Variants in PNPLA7 observed in about 807,000 individuals in gnomAD.
PNPLA7 encodes the protein patatin-like phospholipase domain-containing protein 7.
PNPLA7 carries 153 observed loss-of-function variants against 161.7 expected under a neutral mutation model. That is an observed-to-expected ratio of 0.95 (90% CI 0.83 to 1.08). The LOEUF (loss-of-function observed/expected upper bound fraction) is 1.08, where lower values mean the gene tolerates loss of function less well. Ranked by LOEUF, PNPLA7 falls within the 50% of genes least tolerant of loss-of-function variation. The pLI is 0.00. For missense variants in PNPLA7, 1,739 were observed against 1,856.6 expected (o/e 0.94, Z 1.16); for synonymous variants, 809 against 782.1 (o/e 1.03, Z -0.57).
intron 20 of PNPLA7, chr9:137,491,684 G>A: frequency 7.1e-6 from 7 of 985,390 alleles, no homozygotes; most frequent in Non-Finnish European, 8.4e-6. Context: ...CCCTAGAGTG[G>A]GGCTCACACT....
intron 8 of PNPLA7, 46 bp from the exon 9 acceptor site, chr9:137,522,903 C>G (rs754753118): frequency 6.2e-7 from 1 of 1,601,674 alleles, no homozygotes; most frequent in Non-Finnish European, 8.5e-7. Flanking sequence ...GCCTGGCCAA[C>G]CCCCCAGGGA....
At position 137,479,019 on chromosome 9, in the gene PNPLA7, G is replaced by A. The variant is rs902747423; in HGVS notation, c.2763+37C>T. ...TCGAACGTTCGAGGAAATGAACCAC[G>A]GAGCCACGGGCAGGCAGCCTCCTCT... On this transcript the variant is annotated intron_variant, in intron 24 of 34. Transcript: ENST00000406427. The A allele has an allele frequency of 4.0e-6, 6 of 1,514,428 alleles. No homozygotes were observed. In the Admixed American group the frequency reaches 6.3e-5, roughly 16 times the overall value. 93.8% of individuals were successfully genotyped at this position (1,514,428 alleles called of 1,614,324 possible).
chr9:137,472,913 C>T (rs1831774675), intron 25 of PNPLA7, among the ~76,000 whole-genome samples: 1 of 151,846 alleles, frequency 6.6e-6, no homozygotes, highest in Non-Finnish European at 1.5e-5. Context: ...CGAGATTGCA[C>T]CACTGCACTC....
chr9:137,536,085 G>A (rs1394094277), intron 8 of PNPLA7, among the ~76,000 whole-genome samples: 4 of 149,770 alleles, frequency 2.7e-5, no homozygotes, highest in South Asian at 2.1e-4. Flanking sequence ...CCCAGGAGGC[G>A]GAGCTTGCAG....
intron 25 of PNPLA7, among the ~76,000 whole-genome samples, chr9:137,470,838 AG>A (rs1831671527): frequency 6.6e-6 from 1 of 152,254 alleles, no homozygotes; most frequent in South Asian, 2.1e-4. Flanking sequence ...CAGATTAAAG[AG>A]AAAATACAAT....
rs1588670764 is a variant in PNPLA7 at position 137,520,876 on chromosome 9, G to A, written c.957+760C>T. On this transcript the variant is annotated intron_variant, in intron 10 of 34. Coordinates refer to ENST00000406427, the MANE Select transcript of PNPLA7 (RefSeq NM_001098537.3). The surrounding 1 kb of genome is among the most constrained non-coding windows in gnomAD (Gnocchi z 5.2). ...GGTTCAGATAGGAGGAGCTGTCAAG[G>A]GCAACACACAGGGAGTGCTGGCAAC... 2.0e-5 allele frequency among the ~76,000 whole-genome samples: 3 copies of A among 152,360 alleles called. No individual in the cohort carries two copies. The highest frequency in any genetic ancestry group is 7.2e-5 in the African/African-American group (3 of 41,596).
At position 137,546,929 on chromosome 9, in the gene PNPLA7, TGGCCTGAGGTAGAGCCGTGGCACA is replaced by T; in HGVS notation, c.194-44_194-21del. ...CTTGTCCTGCAGGGGAGTAAAGGGA[TGGCCTGAGGTAGAGCCGTGGCACA>T]GGCCTGGTCCTGGACATGCAGGTGC... On this transcript the variant is annotated intron_variant, in intron 3 of 34. Transcript: ENST00000406427. 6.2e-7 allele frequency: 1 copy of T among 1,611,830 alleles called. No homozygotes were observed. Among genetic ancestry groups the T allele is most frequent in the South Asian group, 1.1e-5 (1 of 91,068 alleles).
At chr9:137,479,638 T>C in intron 23 of PNPLA7, 1 of 985,396 alleles carries the variant, frequency 1.0e-6, no homozygotes, top group Non-Finnish European at 1.2e-6. Flanking sequence ...CCAGGCAGGC[T>C]TGTGATGAGA....
At position 137,541,000 on chromosome 9, in the gene PNPLA7, C is replaced by T. The variant is rs7847270; in HGVS notation, c.667-278G>A. On this transcript the variant is annotated intron_variant, in intron 7 of 34. Coordinates refer to ENST00000406427, the MANE Select transcript of PNPLA7 (RefSeq NM_001098537.3). The surrounding 1 kb of genome is among the most constrained non-coding windows in gnomAD (Gnocchi z 5.1). ...CAATGTGGGGACTGAGGCAAAAGCT[C>T]GCAGAGCCTGTTTGTTTGCTGAGCT... 8.5e-3 allele frequency: 3,470 copies of T among 407,806 alleles called. 113 individuals are homozygous for T. The highest frequency in any genetic ancestry group is 0.063 in the African/African-American group (3,170 of 50,072). The allele number at this position is 407,806 out of a possible 1,614,324, so 25.3% of individuals were successfully genotyped here. A position where few individuals can be genotyped will look rare whatever the true frequency, so the allele number is the denominator to read the frequency against.
At chr9:137,464,219 G>A in intron 27 of PNPLA7, 24 bp from the exon 28 acceptor site, 1 of 1,613,304 alleles carries the variant, frequency 6.2e-7, no homozygotes. Context: ...GGGCTCAGAT[G>A]GGCCCTCTCC....
chr9:137,478,435 G>T lies in PNPLA7; in HGVS notation c.2764-283C>A, dbSNP rs189366236. The T allele has an allele frequency of 2.6e-3, 818 of 320,206 alleles. 3 individuals carry two copies. Among genetic ancestry groups the T allele is most frequent in the Admixed American group, 6.4e-3 (128 of 20,050 alleles). 19.8% of individuals were successfully genotyped at this position (320,206 alleles called of 1,614,324 possible). A position where few individuals can be genotyped will look rare whatever the true frequency, so the allele number is the denominator to read the frequency against. On this transcript the variant is annotated intron_variant, in intron 24 of 34. Transcript: ENST00000406427. Reference sequence around the variant, plus strand: ...GCCAGAGAGTGGGCCCGGGTGGGGGGCCAGAAGGCATCCTCAGAGCTGTTC... The same window carrying T: ...GCCAGAGAGTGGGCCCGGGTGGGGGTCCAGAAGGCATCCTCAGAGCTGTTC...
chr9:137,524,756 G>A lies in PNPLA7; in HGVS notation c.748-1899C>T, dbSNP rs957495545. Reference sequence around the variant, plus strand: ...GCGAACGAGTTTCCGTGGATGCCCCGTGGAATGAGTTTCCGTGGATGCCCC... The same window carrying A: ...GCGAACGAGTTTCCGTGGATGCCCCATGGAATGAGTTTCCGTGGATGCCCC... On this transcript the variant is annotated intron_variant, in intron 8 of 34. Coordinates refer to ENST00000406427, the MANE Select transcript of PNPLA7 (RefSeq NM_001098537.3). The surrounding 1 kb of genome is among the most constrained non-coding windows in gnomAD (Gnocchi z 4.4). Among the ~76,000 whole-genome samples, 9 of 151,988 alleles carry A rather than the reference G, an allele frequency of 5.9e-5. No individual in the cohort carries two copies. Among genetic ancestry groups the A allele is most frequent in the African/African-American group, 1.9e-4 (8 of 41,348 alleles).
At chr9:137,492,891 G>A in intron 20 of PNPLA7, 122 bp downstream of exon 20, 1 of 811,852 alleles carries the variant, frequency 1.2e-6, no homozygotes, top group Non-Finnish European at 2.0e-6. Context: ...GGACTGGGTG[G>A]GCAGGGCTCC....
intron 8 of PNPLA7, among the ~76,000 whole-genome samples, chr9:137,529,821 C>G (rs57061664): frequency 0.053 from 8,090 of 151,858 alleles, 254 homozygotes; most frequent in African/African-American, 0.093. Context: ...CCACACTTGG[C>G]TAAATTTTTG....
At chr9:137,550,017 G>A in intron 1 of PNPLA7, 151 bp downstream of exon 1, 2 of 877,182 alleles carry the variant, frequency 2.3e-6, no homozygotes, top group South Asian at 1.5e-5. Flanking sequence ...CAGCAGAGAG[G>A]GGCCAGATCC....
Position 137,541,572 on chromosome 9 carries a change from G to T in PNPLA7, c.667-850C>A. ...GATCACACAAAGCCCAGGGTTTGCT[G>T]AGTGCGTGCTTTAAATGAGAACAAG... On this transcript the variant is annotated intron_variant, in intron 7 of 34. Coordinates refer to ENST00000406427, the MANE Select transcript of PNPLA7 (RefSeq NM_001098537.3). The surrounding 1 kb of genome is among the most constrained non-coding windows in gnomAD (Gnocchi z 4.4). The T allele has an allele frequency of 1.2e-6, 1 of 840,658 alleles. No individual in the cohort carries two copies. The highest frequency in any genetic ancestry group is 1.4e-6 in the Non-Finnish European group (1 of 697,820). The allele number at this position is 840,658 out of a possible 1,614,324, so 52.1% of individuals were successfully genotyped here.
At chr9:137,522,893 G>A in intron 8 of PNPLA7, 36 bp from the exon 9 acceptor site, 3 of 1,606,832 alleles carry the variant, frequency 1.9e-6, no homozygotes, top group Middle Eastern at 1.8e-4. Context: ...CACTCTGTGG[G>A]CCTGGCCAAC....
Position 137,460,131 on chromosome 9 carries a change from G to C in PNPLA7, c.*262C>G. 2.5e-6 allele frequency: 1 copy of C among 398,398 alleles called. No individual in the cohort carries two copies. The allele number at this position is 398,398 out of a possible 1,614,324, so 24.7% of individuals were successfully genotyped here. A position where few individuals can be genotyped will look rare whatever the true frequency, so the allele number is the denominator to read the frequency against. ...TCACAGGGCTTCGGGGGGCCTCACA[G>C]GGCTGCAGGGGGTTCACAGAGCTTC... On this transcript the variant is annotated 3_prime_UTR_variant, in exon 35 of 35. Coordinates refer to ENST00000406427, the MANE Select transcript of PNPLA7 (RefSeq NM_001098537.3).
rs1265452965 is a variant in PNPLA7, at chr9:137,537,810, CACA to C, written c.747+2829_747+2831del. 3.3e-5 allele frequency among the ~76,000 whole-genome samples: 5 copies of C among 150,432 alleles called. No individual in the cohort carries two copies. The highest frequency in any genetic ancestry group is 1.2e-4 in the African/African-American group (5 of 40,298). On this transcript the variant is annotated intron_variant, in intron 8 of 34. Coordinates refer to ENST00000406427, the MANE Select transcript of PNPLA7 (RefSeq NM_001098537.3). This position sits in a 1 kb window ranked among gnomAD's most constrained non-coding sequence, Gnocchi z 4.5. Reference sequence around the variant, plus strand: ...GATAAGTGAGGCCCAACCTGAATATCACAACAAGATCAAGATCAGAAAGAACAA... The same window carrying C: ...GATAAGTGAGGCCCAACCTGAATATCACAAGATCAAGATCAGAAAGAACAA...
Sources: gnomAD v4.1 joint callset for allele counts (sites outside exome capture counted in the v4.1 genomes callset) on GRCh38, gnomAD v4.1.1 for gene constraint, Gnocchi (gnomAD v3.1) non-coding constraint, MANE v1.5 for transcripts, NCBI Gene and HGNC (gene_info 2026-07-23, HGNC 2026-07-21) for gene names.